The following TENM4 variants were observed in gnomAD, a reference collection of about 807,000 sequenced individuals.
The protein encoded by TENM4 is teneurin transmembrane protein 4, also known as teneurin-4.
TENM4 carries 82 observed loss-of-function variants against 243.3 expected under a neutral mutation model. The ratio of observed to expected loss-of-function variants is 0.34; its 90% CI spans 0.28 to 0.40. TENM4 has a LOEUF of 0.40. TENM4 is among the 10% of genes least tolerant of loss of function. The probability of loss-of-function intolerance (pLI) is 1.00; values close to 1 mark genes in which losing one functional copy is unlikely to be tolerated. For synonymous variants in TENM4, 1,412 were observed against 1,456.3 expected (o/e 0.97, Z 0.69); for missense variants, 3,138 against 3,673.3 (o/e 0.85, Z 3.77).
At chr11:79,229,087 T>C (rs1018622414) in intron 2 of TENM4, among the ~76,000 whole-genome samples, 2 of 152,322 alleles carry the variant, frequency 1.3e-5, no homozygotes, top group East Asian at 3.9e-4. Context: ...TGCCCCACTA[T>C]TGGAATTTGT....
intron 1 of TENM4, among the ~76,000 whole-genome samples, chr11:79,298,287 G>A (rs1212510278): frequency 6.6e-6 from 1 of 151,854 alleles, no homozygotes; most frequent in Admixed American, 6.5e-5. Context: ...AGGCCGAGGC[G>A]GGTGGATCAT....
chr11:78,985,341 A>T (rs1857893143), intron 6 of TENM4, among the ~76,000 whole-genome samples: 1 of 152,218 alleles, frequency 6.6e-6, no homozygotes, highest in African/African-American at 2.4e-5. Context: ...TATTTAAAAA[A>T]TTTAAAAGAT....
At chr11:79,351,768 A>T (rs913343500) in intron 1 of TENM4, among the ~76,000 whole-genome samples, 3 of 152,202 alleles carry the variant, frequency 2.0e-5, no homozygotes, top group African/African-American at 7.2e-5. Flanking sequence ...AAACATCCAG[A>T]CCAATCATCT....
intron 26 of TENM4, among the ~76,000 whole-genome samples, chr11:78,710,207 T>C (rs946612539): frequency 6.6e-6 from 1 of 152,234 alleles, no homozygotes; most frequent in African/African-American, 2.4e-5. Flanking sequence ...GAAGTCTTCA[T>C]TTCCTCATTG....
intron 4 of TENM4, among the ~76,000 whole-genome samples, chr11:79,089,260 C>T (rs1860889301): frequency 6.6e-6 from 1 of 152,208 alleles, no homozygotes; most frequent in South Asian, 2.1e-4. Context: ...GGCCAGGCCC[C>T]ACAACAGGCT....
chr11:78,814,236 T>G, intron 13 of TENM4, 58 bp downstream of exon 13: 5 of 1,492,032 alleles, frequency 3.4e-6, no homozygotes, highest in Non-Finnish European at 3.6e-6. Flanking sequence ...GAAGTAGAAG[T>G]GAGCTGCCTG....
rs183382679 is a variant in TENM4, at chr11:78,759,865, C to T, written c.2540-2844G>A. Among the ~76,000 whole-genome samples the T allele has an allele frequency of 2.6e-5, 4 of 152,308 alleles. No homozygotes were observed. In the East Asian group the frequency reaches 7.7e-4, roughly 29 times the overall value. On this transcript the variant is annotated intron_variant, in intron 18 of 33. Transcript: ENST00000278550. Reference sequence around the variant, plus strand: ...GTCATGTAGTCAGTGAAGAAGCTGACTCGGAATCTGAACTCAGTTCTTTCT... The same window carrying T: ...GTCATGTAGTCAGTGAAGAAGCTGATTCGGAATCTGAACTCAGTTCTTTCT...
intron 1 of TENM4, among the ~76,000 whole-genome samples, chr11:79,375,115 G>A (rs566966251): frequency 6.6e-6 from 1 of 152,306 alleles, no homozygotes; most frequent in Admixed American, 6.5e-5. Context: ...AAGATATCAT[G>A]ACAGTTAATG....
chr11:78,749,246 G>A (rs1399165582), intron 19 of TENM4: 1 of 152,032 alleles, frequency 6.6e-6, no homozygotes, highest in Admixed American at 6.5e-5. Context: ...AACGCGGGGA[G>A]GGATTTTTAA....
intron 6 of TENM4, among the ~76,000 whole-genome samples, chr11:79,028,222 C>CA (rs1262288167): frequency 1.3e-5 from 2 of 152,156 alleles, no homozygotes; most frequent in African/African-American, 4.8e-5. Flanking sequence ...TGTAAGAGCC[C>CA]AATAAATATG....
At chr11:79,149,885 T>C (rs1426337171) in intron 3 of TENM4, among the ~76,000 whole-genome samples, 1 of 152,190 alleles carries the variant, frequency 6.6e-6, no homozygotes, top group Non-Finnish European at 1.5e-5. Flanking sequence ...GATCAAGGTA[T>C]GCTCTTTTTT....
intron 1 of TENM4, among the ~76,000 whole-genome samples, chr11:79,355,705 A>C (rs1178347240): frequency 7.2e-6 from 1 of 139,784 alleles, no homozygotes; most frequent in African/African-American, 2.7e-5. Flanking sequence ...CAGCAAAATC[A>C]TGTGAGCATG....
At chr11:78,771,273 G>T in intron 17 of TENM4, 135 bp from the exon 18 acceptor site, 1 of 1,137,730 alleles carries the variant, frequency 8.8e-7, no homozygotes, top group Non-Finnish European at 1.2e-6. Flanking sequence ...AGCCCAGGGA[G>T]GTAGGTATCA....
chr11:79,096,940 A>ACACACG (rs1342024856), intron 4 of TENM4: 1 of 151,916 alleles, frequency 6.6e-6, no homozygotes, highest in African/African-American at 2.5e-5. Flanking sequence ...ACACACACAC[A>ACACACG]CACACACACA....
chr11:78,965,692 C>T (rs1857425343), intron 6 of TENM4, among the ~76,000 whole-genome samples: 1 of 152,208 alleles, frequency 6.6e-6, no homozygotes, highest in Non-Finnish European at 1.5e-5. Flanking sequence ...CCTGTCTCTT[C>T]TTTCTCCTAC....
rs1859123588 is a variant in TENM4, at chr11:78,702,164, A to C, written c.4449T>G (p.Ile1483Met). The change falls in exon 28 of 34, where the codon ATT becomes ATG. Residue 1483 changes from isoleucine to methionine, a missense_variant. Transcript: ENST00000278550. ...TGATCTTTTTCTCATCAGTCTCAGC[A>C]ATATACAGGACCCCATTGTGTGAAA... ...LAVSHNGVLY[I>M]AETDEKKINR... The C allele has an allele frequency of 1.9e-6, 3 of 1,614,014 alleles. No individual in the cohort carries two copies. In the East Asian group the frequency reaches 6.7e-5, roughly 36 times the overall value.
intron 2 of TENM4, among the ~76,000 whole-genome samples, chr11:79,255,538 C>G (rs2135313105): frequency 1.3e-5 from 2 of 152,284 alleles, no homozygotes; most frequent in South Asian, 4.1e-4. Context: ...TTTATTAGAT[C>G]AAATGTAAAA....
intron 3 of TENM4, among the ~76,000 whole-genome samples, chr11:79,157,638 G>C (rs1474002259): frequency 6.6e-6 from 1 of 152,146 alleles, no homozygotes; most frequent in Non-Finnish European, 1.5e-5. Context: ...TGTTCCTGCT[G>C]TGTGTCTGCC....
chr11:78,737,694 T>C (rs146868776), intron 20 of TENM4, among the ~76,000 whole-genome samples: 156 of 152,318 alleles, frequency 1.0e-3, no homozygotes, highest in Non-Finnish European at 4.4e-4. Flanking sequence ...TCTCATTGCC[T>C]GTCCTGTCAC....
Sources: allele counts gnomAD v4.1 joint callset (sites outside exome capture counted in the v4.1 genomes callset), GRCh38; gene constraint gnomAD v4.1.1; transcripts MANE v1.5; gene names NCBI Gene and HGNC (gene_info 2026-07-23, HGNC 2026-07-21).